The following CCDC30 variants were observed in gnomAD, a reference collection of about 807,000 sequenced individuals.
CCDC30 encodes the protein coiled-coil domain containing 30.
A neutral mutation model predicts 100.2 loss-of-function variants in CCDC30; 70 were observed. That is an observed-to-expected ratio of 0.70 (90% CI 0.58 to 0.85). The LOEUF is 0.85. Among genes scored for constraint, CCDC30 ranks in the 40% least tolerant of loss-of-function variants. CCDC30 has a pLI of 0.00. For missense variants in CCDC30, 652 were observed against 771.2 expected (o/e 0.85, Z 1.83); for synonymous variants, 233 against 269.5 (o/e 0.86, Z 1.33).
the CCDC30 span, chr1:42,456,472 A>T: frequency 7.5e-7 from 1 of 1,325,414 alleles, no homozygotes; most frequent in East Asian, 2.7e-5. Flanking sequence ...TGAACCGCCC[A>T]CTCAGTACGG....
chr1:42,498,975 A>G (rs1644267784), intron 6 of CCDC30, 59 bp downstream of exon 6: 3 of 790,346 alleles, frequency 3.8e-6, no homozygotes, highest in Middle Eastern at 2.5e-4. Context: ...GCATTTTTAC[A>G]GAGTATACTA....
chr1:42,582,039 T>C (rs147927445), intron 9 of CCDC30, among the ~76,000 whole-genome samples: 92 of 137,670 alleles, frequency 6.7e-4, no homozygotes, highest in South Asian at 1.4e-3. Context: ...CTGGGCAGCA[T>C]AGTGAGTCTT....
At chr1:42,542,109 C>T (rs953983345) in intron 6 of CCDC30, among the ~76,000 whole-genome samples, 6 of 152,184 alleles carry the variant, frequency 3.9e-5, no homozygotes, top group African/African-American at 1.4e-4. Flanking sequence ...TGAGCTATAT[C>T]ACTAAGATAC....
chr1:42,544,105 C>T (rs1356479705), intron 6 of CCDC30, among the ~76,000 whole-genome samples: 1 of 152,090 alleles, frequency 6.6e-6, no homozygotes, highest in Admixed American at 6.5e-5. Context: ...GTTGCTTAGG[C>T]TGGACTCAAA....
chr1:42,642,124 G>A (rs900281172), intron 12 of CCDC30, among the ~76,000 whole-genome samples: 1 of 152,036 alleles, frequency 6.6e-6, no homozygotes, highest in Non-Finnish European at 1.5e-5. Context: ...TACTTGGGAG[G>A]CTGAGGCAGG....
intron 6 of CCDC30, among the ~76,000 whole-genome samples, chr1:42,512,914 G>A (rs1005342238): frequency 2.6e-5 from 4 of 152,182 alleles, no homozygotes; most frequent in Non-Finnish European, 5.9e-5. Flanking sequence ...TGGCAGCCAC[G>A]CTAACCGTGT....
chr1:42,560,768 G>A lies in CCDC30; in HGVS notation c.457-5528G>A, dbSNP rs187324280. ...CAAATAGACACAATAAAAATGACAA[G>A]AGGATATCACCATTGACTCTGCAGA... On this transcript the variant is annotated intron_variant, in intron 6 of 16. Transcript: ENST00000668663. Among the ~76,000 whole-genome samples the A allele has an allele frequency of 7.9e-5, 12 of 152,240 alleles. No individual in the cohort carries two copies. The East Asian group carries it at 1.4e-3, about 17-fold the overall frequency.
intron 5 of CCDC30, among the ~76,000 whole-genome samples, chr1:42,497,555 A>T (rs973774529): frequency 6.6e-6 from 1 of 152,180 alleles, no homozygotes; most frequent in Non-Finnish European, 1.5e-5. Context: ...TTAATACTAA[A>T]TCTTTAACTG....
At chr1:42,632,538 C>T (rs1252813091) in intron 11 of CCDC30, among the ~76,000 whole-genome samples, 3 of 151,696 alleles carry the variant, frequency 2.0e-5, no homozygotes, top group Non-Finnish European at 4.4e-5. Flanking sequence ...CTGAGGTGGG[C>T]GGATCACCTG....
intron 10 of CCDC30, among the ~76,000 whole-genome samples, chr1:42,607,929 C>T (rs576863285): frequency 6.6e-6 from 1 of 152,244 alleles, no homozygotes; most frequent in African/African-American, 2.4e-5. Flanking sequence ...GGACAAATGC[C>T]CCTGGCCACC....
intron 3 of CCDC30, among the ~76,000 whole-genome samples, chr1:42,484,586 C>A (rs1038969525): frequency 6.6e-6 from 1 of 152,272 alleles, no homozygotes; most frequent in South Asian, 2.1e-4. Context: ...ATTAGCAAGT[C>A]CTTTTGGAAT....
At chr1:42,571,385 A>G (rs1430198186) in intron 7 of CCDC30, 1 of 152,138 alleles carries the variant, frequency 6.6e-6, no homozygotes, top group Non-Finnish European at 1.5e-5. Flanking sequence ...TAGGCTTTCT[A>G]AAAGGCTGGA....
chr1:42,457,674 C>T, the CCDC30 span: 6 of 282,526 alleles, frequency 2.1e-5, no homozygotes, highest in South Asian at 2.5e-4. Flanking sequence ...TGAGCAGAAC[C>T]GAGCGCGGTG....
chr1:42,478,559 G>T (rs943540861), intron 1 of CCDC30, among the ~76,000 whole-genome samples: 6 of 152,130 alleles, frequency 3.9e-5, no homozygotes. Context: ...AGGAATTTGA[G>T]ACCAGCCAGG....
At chr1:42,461,835 G>A (rs1643421241), upstream of CCDC30, among the ~76,000 whole-genome samples, 1 of 151,980 alleles carries the variant, frequency 6.6e-6, no homozygotes, top group South Asian at 2.1e-4. Flanking sequence ...GTGAGCCACC[G>A]CGCCCAGCCA....
At chr1:42,595,003 G>A (rs1283974061) in intron 10 of CCDC30, 7 of 148,716 alleles carry the variant, frequency 4.7e-5, no homozygotes, top group Middle Eastern at 3.2e-3. Flanking sequence ...TAAGTCTTCC[G>A]TAGGTAATTT....
chr1:42,646,461 G>A, intron 15 of CCDC30, 144 bp downstream of exon 19: 1 of 1,146,994 alleles, frequency 8.7e-7, no homozygotes. Context: ...ACTTTCTTGG[G>A]TTTCCTAGCC....
chr1:42,538,144 C>T (rs1644940913), intron 6 of CCDC30, among the ~76,000 whole-genome samples: 1 of 97,750 alleles, frequency 1.0e-5, no homozygotes, highest in Admixed American at 1.2e-4. Context: ...GGGACACTGT[C>T]TCCACAAAAA....
intron 11 of CCDC30, among the ~76,000 whole-genome samples, chr1:42,617,618 T>C (rs1161896417): frequency 6.6e-6 from 1 of 151,988 alleles, no homozygotes; most frequent in Non-Finnish European, 1.5e-5. Flanking sequence ...GGTTAGAAAG[T>C]GGGGAGTGTT....
Sources: allele counts gnomAD v4.1 joint callset (sites outside exome capture counted in the v4.1 genomes callset), GRCh38; gene constraint gnomAD v4.1.1; transcripts MANE v1.5; gene names NCBI Gene and HGNC (gene_info 2026-07-23, HGNC 2026-07-21).